The following ATRNL1 variants were observed in gnomAD, a reference collection of about 807,000 sequenced individuals.
ATRNL1 encodes the protein attractin like 1.
A neutral mutation model predicts 182.7 loss-of-function variants in ATRNL1; 95 were observed. That is an observed-to-expected ratio of 0.52 (90% CI 0.44 to 0.62). The LOEUF (loss-of-function observed/expected upper bound fraction) is 0.62, where lower values mean the gene tolerates loss of function less well. Ranked by LOEUF, ATRNL1 falls within the 20% of genes least tolerant of loss-of-function variation. The pLI, the probability that ATRNL1 is intolerant of heterozygous loss-of-function variation, is 0.00. For missense variants in ATRNL1, 1,471 were observed against 1,679.5 expected (o/e 0.88, Z 2.17); for synonymous variants, 576 against 568.3 (o/e 1.01, Z -0.19).
intron 26 of ATRNL1, among the ~76,000 whole-genome samples, chr10:115,562,084 A>G (rs1554999923): frequency 6.6e-6 from 1 of 152,194 alleles, no homozygotes; most frequent in Non-Finnish European, 1.5e-5. Flanking sequence ...TGTTTATAGC[A>G]CCATTATTCA....
At chr10:115,101,370 A>T (rs2143427264) in intron 1 of ATRNL1, among the ~76,000 whole-genome samples, 1 of 152,160 alleles carries the variant, frequency 6.6e-6, no homozygotes, top group African/African-American at 2.4e-5. Context: ...TATCACACTG[A>T]GAAAGTTCCC....
chr10:115,149,876 CTTTTTTT>C lies in ATRNL1; in HGVS notation c.830-10153_830-10147del, dbSNP rs57382865. On this transcript the variant is annotated intron_variant, in intron 5 of 28. Coordinates refer to ENST00000355044, the MANE Select transcript of ATRNL1 (RefSeq NM_207303.4). ...AATTAGGGACAATTGTCTCCTTTTC[CTTTTTTT>C]TTTTTTTTTTGGACTAGCTTGAGGA... Among the ~76,000 whole-genome samples the C allele has an allele frequency of 2.4e-4, 30 of 123,280 alleles. 2 individuals are homozygous for C. The East Asian group carries it at 6.3e-3, about 26-fold the overall frequency. 80.9% of individuals were successfully genotyped at this position (123,280 alleles called of 152,430 possible). A position where few individuals can be genotyped will look rare whatever the true frequency, so the allele number is the denominator to read the frequency against.
intron 25 of ATRNL1, among the ~76,000 whole-genome samples, chr10:115,533,051 T>G (rs1210632009): frequency 1.3e-5 from 2 of 152,196 alleles, no homozygotes; most frequent in Non-Finnish European, 2.9e-5. Flanking sequence ...TCAAGGATAT[T>G]GGTCTAAAAT....
intron 28 of ATRNL1, among the ~76,000 whole-genome samples, chr10:115,910,317 AG>A (rs1305492613): frequency 1.3e-5 from 2 of 152,186 alleles, no homozygotes; most frequent in Non-Finnish European, 2.9e-5. Context: ...TGCTGTGTCA[AG>A]GGCACTCAAT....
rs782421719 is a variant in ATRNL1, at chr10:115,325,617, A to T, written c.3038-8665A>T. ...TTGATTTATACTTTCCACCAGATGG[A>T]TGAAGGAATACCAGTGATATGCTTC... On this transcript the variant is annotated intron_variant, in intron 18 of 28. Transcript: ENST00000355044. Among the ~76,000 whole-genome samples, 149 of 152,290 alleles carry T rather than the reference A, an allele frequency of 9.8e-4. 4 individuals carry two copies. Among genetic ancestry groups the T allele is most frequent in the South Asian group, 8.3e-4 (4 of 4,826 alleles).
intron 9 of ATRNL1, among the ~76,000 whole-genome samples, chr10:115,234,274 A>G (rs1850081097): frequency 6.6e-6 from 1 of 152,094 alleles, no homozygotes; most frequent in South Asian, 2.1e-4. Context: ...ATGTTAATAT[A>G]TTCTCTCAGG....
rs1953912293 is a variant in ATRNL1, at chr10:115,947,939, T to G, written c.*3160T>G. 6.6e-6 allele frequency: 1 copy of G among 152,238 alleles called. No individual in the cohort carries two copies. The highest frequency in any genetic ancestry group is 1.5e-5 in the Non-Finnish European group (1 of 68,036). The allele number at this position is 152,238 out of a possible 1,614,324, so 9.4% of individuals were successfully genotyped here. A position where few individuals can be genotyped will look rare whatever the true frequency, so the allele number is the denominator to read the frequency against. On this transcript the variant is annotated 3_prime_UTR_variant, in exon 29 of 29. Coordinates refer to ENST00000355044, the MANE Select transcript of ATRNL1 (RefSeq NM_207303.4). ...GGTAACACACAGAAAGCTCCCACAG[T>G]GGGACCTTGATGCAGCGTAGCTGGT...
intron 20 of ATRNL1, among the ~76,000 whole-genome samples, chr10:115,410,528 C>G (rs1359957360): frequency 6.6e-6 from 1 of 151,810 alleles, no homozygotes; most frequent in Non-Finnish European, 1.5e-5. Context: ...ACCATGTTGG[C>G]CAGGATGGTC....
intron 27 of ATRNL1, among the ~76,000 whole-genome samples, chr10:115,845,802 T>G (rs1950914862): frequency 6.6e-6 from 1 of 151,930 alleles, no homozygotes; most frequent in African/African-American, 2.4e-5. Flanking sequence ...TTGGTAGAAA[T>G]GATTGATTGT....
intron 27 of ATRNL1, among the ~76,000 whole-genome samples, chr10:115,826,739 GT>G (rs1377940780): frequency 6.6e-6 from 1 of 152,126 alleles, no homozygotes; most frequent in African/African-American, 2.4e-5. Flanking sequence ...TGAGTCCGGG[GT>G]TTTTTATGCA....
At chr10:115,617,837 T>G (rs1857517978) in intron 26 of ATRNL1, among the ~76,000 whole-genome samples, 1 of 152,096 alleles carries the variant, frequency 6.6e-6, no homozygotes, top group Non-Finnish European at 1.5e-5. Flanking sequence ...GGGCCTGGGG[T>G]GGACTTACTT....
Position 115,947,974 on chromosome 10 carries a change from C to T in ATRNL1, c.*3195C>T, listed in dbSNP as rs1025615741. Reference sequence around the variant, plus strand: ...ATGCAGCGTAGCTGGTATTAACAACCGTGGGGACACCAGGCCACTCTTTTT... The same window carrying T: ...ATGCAGCGTAGCTGGTATTAACAACTGTGGGGACACCAGGCCACTCTTTTT... On this transcript the variant is annotated 3_prime_UTR_variant, in exon 29 of 29. Coordinates refer to ENST00000355044, the MANE Select transcript of ATRNL1 (RefSeq NM_207303.4). The T allele has an allele frequency of 2.0e-5, 3 of 152,222 alleles. No individual in the cohort carries two copies. Among genetic ancestry groups the T allele is most frequent in the Admixed American group, 6.5e-5 (1 of 15,284 alleles). 9.4% of individuals were successfully genotyped at this position (152,222 alleles called of 1,614,324 possible).
intron 26 of ATRNL1, among the ~76,000 whole-genome samples, chr10:115,573,183 G>A (rs28414370): frequency 6.6e-6 from 1 of 151,928 alleles, no homozygotes; most frequent in South Asian, 2.1e-4. Flanking sequence ...TTATTGAGTG[G>A]TAGAGGTGGC....
chr10:115,164,915 G>C (rs1052709117), intron 6 of ATRNL1, among the ~76,000 whole-genome samples: 2 of 152,048 alleles, frequency 1.3e-5, no homozygotes, highest in Admixed American at 1.3e-4. Context: ...TGATAGTAAA[G>C]TAGGGAAATT....
At chr10:115,178,819 C>A (rs1847634929) in intron 8 of ATRNL1, among the ~76,000 whole-genome samples, 1 of 152,154 alleles carries the variant, frequency 6.6e-6, no homozygotes, top group Admixed American at 6.6e-5. Flanking sequence ...GACACCAAAG[C>A]TGCCAGCACC....
chr10:115,328,566 G>A (rs1855041150), intron 18 of ATRNL1, among the ~76,000 whole-genome samples: 1 of 151,930 alleles, frequency 6.6e-6, no homozygotes, highest in African/African-American at 2.4e-5. Flanking sequence ...TAACCAACAT[G>A]TCCCTATCTC....
chr10:115,720,413 G>A (rs566073156), intron 26 of ATRNL1, among the ~76,000 whole-genome samples: 52 of 152,242 alleles, frequency 3.4e-4, no homozygotes, highest in African/African-American at 1.2e-3. Flanking sequence ...GACAGCCCAT[G>A]CTTAAAAGGA....
chr10:115,640,462 C>T (rs569810394), intron 26 of ATRNL1, among the ~76,000 whole-genome samples: 6 of 152,192 alleles, frequency 3.9e-5, no homozygotes, highest in Admixed American at 2.6e-4. Context: ...TTTTAGTGAT[C>T]GCCATTCAAA....
chr10:115,391,303 G>C (rs550311649), intron 19 of ATRNL1, among the ~76,000 whole-genome samples: 2 of 152,256 alleles, frequency 1.3e-5, no homozygotes, highest in South Asian at 4.1e-4. Flanking sequence ...GTATATCATA[G>C]GTTGATGCAG....
Sources: gnomAD v4.1 joint callset for allele counts (sites outside exome capture counted in the v4.1 genomes callset) on GRCh38, gnomAD v4.1.1 for gene constraint, MANE v1.5 for transcripts, NCBI Gene and HGNC (gene_info 2026-07-23, HGNC 2026-07-21) for gene names.